The following PMS1 variants were observed in gnomAD, a reference collection of about 807,000 sequenced individuals.
PMS1 encodes PMS1 protein homolog 1.
Under a neutral mutation model 93.1 loss-of-function variants are expected in PMS1, and 79 were observed. The ratio of observed to expected loss-of-function variants is 0.85; its 90% CI spans 0.71 to 1.02. The LOEUF (loss-of-function observed/expected upper bound fraction) is 1.02, where lower values mean the gene tolerates loss of function less well. Among genes scored for constraint, PMS1 ranks in the 50% least tolerant of loss-of-function variants. PMS1 has a pLI of 0.00. For synonymous variants in PMS1, 335 were observed against 363.4 expected (o/e 0.92, Z 0.89); for missense variants, 1,064 against 1,085.3 (o/e 0.98, Z 0.28).
intron 4 of PMS1, among the ~76,000 whole-genome samples, chr2:189,814,780 AT>A: frequency 6.6e-6 from 1 of 152,258 alleles, no homozygotes; most frequent in Non-Finnish European, 1.5e-5. Flanking sequence ...TGGATAGGGC[AT>A]TTAAGGATGG....
Position 189,787,702 on chromosome 2 carries a change from A to G in PMS1, c.-21+3109A>G, listed in dbSNP as rs990829224. ...CAGTGCTGGATAGAGTACTGGTTAA[A>G]ATGGCAGGCTCTGAAATCACGCTAC... On this transcript the variant is annotated intron_variant, in intron 1 of 12. Coordinates refer to ENST00000441310, the MANE Select transcript of PMS1 (RefSeq NM_000534.5). 1.3e-5 allele frequency among the ~76,000 whole-genome samples: 2 copies of G among 152,166 alleles called. 1 individual carries two copies. The highest frequency in any genetic ancestry group is 1.3e-4 in the Admixed American group (2 of 15,270).
chr2:189,811,022 T>A (rs566502358), intron 4 of PMS1, among the ~76,000 whole-genome samples: 6 of 149,408 alleles, frequency 4.0e-5, no homozygotes, highest in Non-Finnish European at 8.9e-5. Flanking sequence ...GAAGAAAAGA[T>A]GGTCAAAACT....
At chr2:189,792,091 T>C in intron 2 of PMS1, 150 bp downstream of exon 2, 2 of 655,192 alleles carry the variant, frequency 3.1e-6, no homozygotes, top group Non-Finnish European at 5.2e-6. Flanking sequence ...AGTAAATCCT[T>C]AAAAATAAAT....
chr2:189,823,391 T>G (rs553645343), intron 5 of PMS1, among the ~76,000 whole-genome samples: 16 of 152,276 alleles, frequency 1.1e-4, no homozygotes, highest in African/African-American at 3.6e-4. Flanking sequence ...TCATTTACAT[T>G]AGGAATATCT....
chr2:189,789,319 A>T lies in PMS1; in HGVS notation c.-20-2471A>T, dbSNP rs1028497602. Among the ~76,000 whole-genome samples, 6 of 152,090 alleles carry T rather than the reference A, an allele frequency of 3.9e-5. No homozygotes were observed. The East Asian group carries it at 1.2e-3, about 29-fold the overall frequency. On this transcript the variant is annotated intron_variant, in intron 1 of 12. Coordinates refer to ENST00000441310, the MANE Select transcript of PMS1 (RefSeq NM_000534.5). The stretch of plus-strand genomic sequence containing the variant: ...AGATGATGAATTGATTTATGGAGGG[A>T]TTTGAGTGATTTGCTCCATTTTTAT...
rs111274186 is a variant in PMS1 at position 189,798,844 on chromosome 2, T to G, written c.315+2893T>G. ...TTGGTAGATTATCAAAAAGATAATTTGGCATTTCTGTATTTTCTGCAAGAT... is the reference window on the plus strand; with the variant it reads ...TTGGTAGATTATCAAAAAGATAATTGGGCATTTCTGTATTTTCTGCAAGAT... On this transcript the variant is annotated intron_variant, in intron 3 of 12. Coordinates refer to ENST00000441310, the MANE Select transcript of PMS1 (RefSeq NM_000534.5). 2.6e-5 allele frequency among the ~76,000 whole-genome samples: 4 copies of G among 151,972 alleles called. 1 individual carries two copies. The highest frequency in any genetic ancestry group is 4.8e-5 in the African/African-American group (2 of 41,406).
intron 9 of PMS1, 125 bp downstream of exon 9, chr2:189,855,253 C>T: frequency 1.2e-6 from 1 of 800,992 alleles, no homozygotes; most frequent in Non-Finnish European, 2.0e-6. Context: ...ATACCTTTGG[C>T]TTGGATAGAG....
At chr2:189,875,258 G>A (rs1198998665) in intron 12 of PMS1, among the ~76,000 whole-genome samples, 3 of 150,252 alleles carry the variant, frequency 2.0e-5, no homozygotes, top group Non-Finnish European at 4.4e-5. Flanking sequence ...GAAGAGAATC[G>A]TAATGGCAAA....
chr2:189,877,482 C>A lies in PMS1; in HGVS notation c.*46C>A. ...TAGTTACCATTGAAATTGGTTCTGTCATAAAACAGCATGAGTCTGGTTTTA... is the reference window on the plus strand; with the variant it reads ...TAGTTACCATTGAAATTGGTTCTGTAATAAAACAGCATGAGTCTGGTTTTA... On this transcript the variant is annotated 3_prime_UTR_variant, in exon 13 of 13. Coordinates refer to ENST00000441310, the MANE Select transcript of PMS1 (RefSeq NM_000534.5). The A allele has an allele frequency of 8.0e-7, 1 of 1,247,538 alleles. No individual in the cohort carries two copies. The highest frequency in any genetic ancestry group is 1.2e-5 in the South Asian group (1 of 82,446). The allele number at this position is 1,247,538 out of a possible 1,614,324, so 77.3% of individuals were successfully genotyped here.
At chr2:189,821,862 T>TA (rs2051926446) in intron 5 of PMS1, among the ~76,000 whole-genome samples, 1 of 152,196 alleles carries the variant, frequency 6.6e-6, no homozygotes, top group Non-Finnish European at 1.5e-5. Context: ...CTTCACGTGA[T>TA]AAAAATGAAT....
chr2:189,785,399 T>G (rs2048210289), intron 1 of PMS1: 2 of 152,232 alleles, frequency 1.3e-5, no homozygotes, highest in South Asian at 4.1e-4. Flanking sequence ...TCTTCAGAAG[T>G]GTTCCTTTTC....
At chr2:189,867,709 C>G in intron 10 of PMS1, 90 bp from the exon 11 acceptor site, 1 of 877,390 alleles carries the variant, frequency 1.1e-6, no homozygotes, top group East Asian at 2.5e-5. Flanking sequence ...GATGATAACA[C>G]TTGTCAAAGG....
In PMS1 at chr2:189,792,967, G is replaced by A. The variant is rs1229962859; in HGVS notation, c.132+1026G>A. ...TGGGATTACAGGCACCTGTTACCAC[G>A]CCTGGCAAATTTTTGTATTTTTAGT... On this transcript the variant is annotated intron_variant, in intron 2 of 12. Coordinates refer to ENST00000441310, the MANE Select transcript of PMS1 (RefSeq NM_000534.5). Among the ~76,000 whole-genome samples the A allele has an allele frequency of 2.6e-5, 4 of 151,782 alleles. No individual in the cohort carries two copies. The East Asian group carries it at 5.8e-4, about 22-fold the overall frequency.
intron 3 of PMS1, among the ~76,000 whole-genome samples, chr2:189,804,973 C>T (rs1310056767): frequency 2.0e-5 from 3 of 151,922 alleles, no homozygotes; most frequent in African/African-American, 7.3e-5. Context: ...AAATAGAAAG[C>T]TGAGGATGAA....
At chr2:189,843,595 A>G (rs113289145) in intron 5 of PMS1, among the ~76,000 whole-genome samples, 77 of 152,298 alleles carry the variant, frequency 5.1e-4, no homozygotes, top group African/African-American at 1.7e-3. Flanking sequence ...ACGGAAGTCT[A>G]TGTTTTGAAT....
intron 3 of PMS1, among the ~76,000 whole-genome samples, chr2:189,803,073 G>C (rs955789610): frequency 6.6e-6 from 1 of 152,116 alleles, no homozygotes. Flanking sequence ...AAACATTTCA[G>C]CCATTCAGGC....
At chr2:189,788,102 A>G (rs1318239543) in intron 1 of PMS1, among the ~76,000 whole-genome samples, 2 of 152,226 alleles carry the variant, frequency 1.3e-5, no homozygotes, top group Non-Finnish European at 2.9e-5. Context: ...GAGATGAGGT[A>G]TTATAGGAAA....
intron 4 of PMS1, among the ~76,000 whole-genome samples, chr2:189,817,367 T>A (rs936794585): frequency 6.6e-6 from 1 of 152,236 alleles, no homozygotes; most frequent in Non-Finnish European, 1.5e-5. Flanking sequence ...TTTAAAAATA[T>A]GTACCTATGT....
intron 3 of PMS1, among the ~76,000 whole-genome samples, chr2:189,802,673 A>G (rs2049994908): frequency 6.6e-6 from 1 of 152,328 alleles, no homozygotes; most frequent in African/African-American, 2.4e-5. Context: ...TGTTTTGAAG[A>G]TGGAAGTTGG....
Sources: allele counts gnomAD v4.1 joint callset (sites outside exome capture counted in the v4.1 genomes callset), GRCh38; gene constraint gnomAD v4.1.1; transcripts MANE v1.5; gene names NCBI Gene and HGNC (gene_info 2026-07-23, HGNC 2026-07-21).